SYT10: variants seen among roughly 807,000 people sequenced by gnomAD.
SYT10 encodes the protein synaptotagmin-10.
In SYT10, 31 loss-of-function variants were observed where a neutral mutation model predicts 51.1. The observed-to-expected ratio is 0.61, with a 90% confidence interval of 0.46 to 0.82. SYT10 has a LOEUF of 0.82. SYT10 is among the 40% of genes least tolerant of loss of function. The probability of loss-of-function intolerance (pLI) is 0.00; values close to 1 mark genes in which losing one functional copy is unlikely to be tolerated. For synonymous variants in SYT10, 233 were observed against 225.9 expected (o/e 1.03, Z -0.28); for missense variants, 603 against 634.0 (o/e 0.95, Z 0.53).
At chr12:33,406,634 A>G (rs181668606) in intron 3 of SYT10, among the ~76,000 whole-genome samples, 155 bp downstream of exon 3, 66 of 152,288 alleles carry the variant, frequency 4.3e-4, no homozygotes, top group African/African-American at 1.5e-3. Flanking sequence ...TAGGTGCCTG[A>G]ATTATTATTA....
rs11052676 is a variant in SYT10, at chr12:33,393,858, C to G, written c.1078-8567G>C. 8.0e-3 allele frequency among the ~76,000 whole-genome samples: 1,221 copies of G among 152,272 alleles called. 13 individuals are homozygous for G. The highest frequency in any genetic ancestry group is 0.028 in the African/African-American group (1,158 of 41,548). On this transcript the variant is annotated intron_variant, in intron 3 of 6. Coordinates refer to ENST00000228567, the MANE Select transcript of SYT10 (RefSeq NM_198992.4). ...GCCCTGCCTCATGTTTCATATAGTA[C>G]GTGCCTTCATTCATGTGCATATTGT...
chr12:33,384,595 A>G (rs1284734297), intron 4 of SYT10, among the ~76,000 whole-genome samples: 1 of 152,234 alleles, frequency 6.6e-6, no homozygotes, highest in Non-Finnish European at 1.5e-5. Context: ...AGCATGATGT[A>G]TCTTTATCTT....
chr12:33,402,800 T>G (rs1428106364), intron 3 of SYT10, among the ~76,000 whole-genome samples: 1 of 152,004 alleles, frequency 6.6e-6, no homozygotes, highest in African/African-American at 2.4e-5. Flanking sequence ...TAATGAAAAT[T>G]TGTAGGAATG....
intron 3 of SYT10, among the ~76,000 whole-genome samples, chr12:33,392,986 A>T (rs1445354349): frequency 8.9e-5 from 1 of 11,198 alleles, no homozygotes; most frequent in African/African-American, 2.5e-4. Context: ...TTTTGCCATT[A>T]AAAAAAAAAA....
intron 3 of SYT10, among the ~76,000 whole-genome samples, chr12:33,389,494 T>A (rs1476779691): frequency 6.6e-6 from 1 of 151,956 alleles, no homozygotes; most frequent in Admixed American, 6.6e-5. Flanking sequence ...TGAAAAAAAA[T>A]TTCTTTATCT....
chr12:33,380,821 T>C (rs1348716796), intron 5 of SYT10, among the ~76,000 whole-genome samples: 2 of 152,212 alleles, frequency 1.3e-5, no homozygotes, highest in Non-Finnish European at 1.5e-5. Context: ...AAGTTGCTTC[T>C]CAAGAATGGA....
intron 3 of SYT10, among the ~76,000 whole-genome samples, chr12:33,402,033 A>C (rs552144956): frequency 3.5e-4 from 54 of 152,286 alleles, no homozygotes; most frequent in African/African-American, 1.3e-3. Context: ...TCTCATTGCT[A>C]CCAGCCTCAA....
intron 3 of SYT10, among the ~76,000 whole-genome samples, chr12:33,390,354 A>ATTT (rs1866193212): frequency 6.6e-6 from 1 of 152,206 alleles, no homozygotes; most frequent in African/African-American, 2.4e-5. Context: ...CATACGGGAT[A>ATTT]ATAAATGTGC....
At chr12:33,406,352 A>C (rs1432209252) in intron 3 of SYT10, among the ~76,000 whole-genome samples, 1 of 152,132 alleles carries the variant, frequency 6.6e-6, no homozygotes, top group Non-Finnish European at 1.5e-5. Context: ...AAATAGCATC[A>C]AAGTACATTT....
chr12:33,415,740 C>T (rs1294680348), intron 2 of SYT10, among the ~76,000 whole-genome samples: 1 of 152,154 alleles, frequency 6.6e-6, no homozygotes, highest in Non-Finnish European at 1.5e-5. Flanking sequence ...AGTTTTTATT[C>T]TGTTTCCTAT....
At chr12:33,394,956 T>C (rs779966457) in intron 3 of SYT10, among the ~76,000 whole-genome samples, 9 of 152,134 alleles carry the variant, frequency 5.9e-5, no homozygotes, top group Non-Finnish European at 1.3e-4. Context: ...GGCGTGGTGG[T>C]GGGTGCCTGT....
intron 1 of SYT10, among the ~76,000 whole-genome samples, chr12:33,431,647 T>C (rs916308719): frequency 6.6e-6 from 1 of 152,192 alleles, no homozygotes; most frequent in Non-Finnish European, 1.5e-5. Context: ...CTTGTTACAA[T>C]AGCTAACAGC....
At chr12:33,420,725 A>C (rs1363092536) in intron 2 of SYT10, among the ~76,000 whole-genome samples, 2 of 152,206 alleles carry the variant, frequency 1.3e-5, no homozygotes, top group Admixed American at 6.5e-5. Context: ...AACTACCAGA[A>C]AACAAACTTC....
intron 3 of SYT10, among the ~76,000 whole-genome samples, chr12:33,404,624 C>T (rs1424681708): frequency 6.6e-6 from 1 of 152,102 alleles, no homozygotes; most frequent in Non-Finnish European, 1.5e-5. Context: ...AACTCTTGAC[C>T]TCGTGATCCA....
chr12:33,383,034 G>A (rs1359690859), intron 4 of SYT10, among the ~76,000 whole-genome samples: 3 of 152,010 alleles, frequency 2.0e-5, no homozygotes, highest in Admixed American at 1.3e-4. Flanking sequence ...AATTTAGTTG[G>A]GCTACATTTT....
At chr12:33,432,593 C>T (rs1866606131) in intron 1 of SYT10, 2 of 152,022 alleles carry the variant, frequency 1.3e-5, no homozygotes, top group South Asian at 4.1e-4. Flanking sequence ...AAATTATAGG[C>T]TCTGAATATT....
At chr12:33,418,927 C>T (rs1372238894) in intron 2 of SYT10, among the ~76,000 whole-genome samples, 1 of 152,080 alleles carries the variant, frequency 6.6e-6, no homozygotes, top group African/African-American at 2.4e-5. Context: ...TAGTGGCTTC[C>T]CATATTACTC....
intron 3 of SYT10, among the ~76,000 whole-genome samples, chr12:33,400,264 G>A (rs10844579): frequency 0.34 from 51,214 of 151,980 alleles, 9,546 homozygotes; most frequent in East Asian, 0.75. Context: ...CAGGATGATT[G>A]GGGGTAGAAT....
intron 4 of SYT10, among the ~76,000 whole-genome samples, chr12:33,384,365 G>A (rs1431458532): frequency 4.0e-5 from 6 of 151,750 alleles, no homozygotes; most frequent in Non-Finnish European, 8.8e-5. Flanking sequence ...TGCAAATTTA[G>A]GTTTTGTTGT....
Sources: gnomAD v4.1 joint callset for allele counts (sites outside exome capture counted in the v4.1 genomes callset) on GRCh38, gnomAD v4.1.1 for gene constraint, MANE v1.5 for transcripts, NCBI Gene and HGNC (gene_info 2026-07-23, HGNC 2026-07-21) for gene names.